CHST9: variants seen among roughly 807,000 people sequenced by gnomAD.
The protein encoded by CHST9 is carbohydrate sulfotransferase 9.
A neutral mutation model predicts 44.4 loss-of-function variants in CHST9; 41 were observed. That is an observed-to-expected ratio of 0.92 (90% CI 0.72 to 1.20). The LOEUF (loss-of-function observed/expected upper bound fraction) is 1.20. Ranked by LOEUF, CHST9 falls within the 50% of genes most tolerant of loss-of-function variation. The pLI is 0.00. For missense variants in CHST9, 504 were observed against 516.5 expected (o/e 0.98, Z 0.23); for synonymous variants, 171 against 178.4 (o/e 0.96, Z 0.33).
At chr18:27,124,172 G>A (rs915697533) in intron 2 of CHST9, among the ~76,000 whole-genome samples, 3 of 152,204 alleles carry the variant, frequency 2.0e-5, no homozygotes, top group Admixed American at 6.5e-5. Flanking sequence ...AAATACACCT[G>A]AGATCTCATT....
At position 27,051,333 on chromosome 18, in the gene CHST9, C is replaced by T. The variant is rs2057564672; in HGVS notation, c.122-2830G>A. ...AGTTGGGAGGCTGAGGCAGGAGGAT[C>T]ACTTAAACCAAGGAGTTTGAGGTTA... On this transcript the variant is annotated intron_variant, in intron 2 of 5. Coordinates refer to ENST00000618847, the MANE Select transcript of CHST9 (RefSeq NM_031422.6). Among the ~76,000 whole-genome samples the T allele has an allele frequency of 2.0e-5, 3 of 152,246 alleles. No individual in the cohort carries two copies. The South Asian group carries it at 6.2e-4, about 32-fold the overall frequency.
intron 1 of CHST9, among the ~76,000 whole-genome samples, chr18:27,161,199 T>C (rs1004812783): frequency 1.3e-5 from 2 of 152,208 alleles, no homozygotes; most frequent in African/African-American, 4.8e-5. Context: ...TTAATTGTGA[T>C]GTTAGGGTGT....
chr18:26,933,858 A>G (rs2055926773), intron 5 of CHST9: 2 of 153,384 alleles, frequency 1.3e-5, no homozygotes, highest in Admixed American at 1.3e-4. Context: ...CAGTAATGCA[A>G]TAGAAGATGT....
chr18:27,063,758 T>G (rs909718469), intron 2 of CHST9, among the ~76,000 whole-genome samples: 1 of 152,192 alleles, frequency 6.6e-6, no homozygotes. Context: ...CTATTTGCTA[T>G]AGATTTTTTT....
intron 4 of CHST9, among the ~76,000 whole-genome samples, chr18:27,003,666 A>C (rs773284911): frequency 6.6e-6 from 1 of 152,148 alleles, no homozygotes; most frequent in Non-Finnish European, 1.5e-5. Flanking sequence ...TGTACTTTAC[A>C]ACACCTGCAC....
intron 3 of CHST9, among the ~76,000 whole-genome samples, chr18:27,032,046 C>T (rs1425703926): frequency 6.6e-6 from 1 of 151,974 alleles, no homozygotes; most frequent in Non-Finnish European, 1.5e-5. Flanking sequence ...ACAGATTTGC[C>T]AAGTGCTGGA....
chr18:27,169,011 T>G (rs1203250939), intron 1 of CHST9, among the ~76,000 whole-genome samples: 4 of 152,120 alleles, frequency 2.6e-5, no homozygotes, highest in Non-Finnish European at 4.4e-5. Flanking sequence ...CTCTAGGAGT[T>G]GAAGTCATCA....
At chr18:27,075,172 GT>G in intron 2 of CHST9, among the ~76,000 whole-genome samples, 1 of 114,004 alleles carries the variant, frequency 8.8e-6, no homozygotes, top group Non-Finnish European at 2.0e-5. Context: ...TGTTTTTTTT[GT>G]TTTTTGTTTT....
intron 4 of CHST9, among the ~76,000 whole-genome samples, chr18:27,007,762 G>T (rs1054165823): frequency 6.6e-6 from 1 of 152,120 alleles, no homozygotes; most frequent in South Asian, 2.1e-4. Flanking sequence ...TCAACCATTC[G>T]CAAGTGCAAA....
chr18:27,053,231 G>T (rs1003869848), intron 2 of CHST9, among the ~76,000 whole-genome samples: 1 of 65,338 alleles, frequency 1.5e-5, no homozygotes, highest in Admixed American at 1.5e-4. Flanking sequence ...AGAAGAAGAA[G>T]AAGAAGAAGA....
At chr18:27,152,702 C>G (rs1196629607) in intron 1 of CHST9, among the ~76,000 whole-genome samples, 1 of 151,908 alleles carries the variant, frequency 6.6e-6, no homozygotes, top group Non-Finnish European at 1.5e-5. Context: ...CATCTGGACT[C>G]AAATTATAAT....
At chr18:27,181,882 T>C (rs1315998414) in intron 1 of CHST9, among the ~76,000 whole-genome samples, 1 of 152,228 alleles carries the variant, frequency 6.6e-6, no homozygotes, top group Non-Finnish European at 1.5e-5. Context: ...TTTGCTCACT[T>C]CTGCCACCCA....
Position 26,917,231 on chromosome 18 carries a change from A to C in CHST9, c.360T>G (p.Ala120=), listed in dbSNP as rs770628100. ...TTGGTGACCCTGTGGACTTACTTAA[A>C]GCTTGATCCCCTCCTTGTGAATGAC... ...KTSHSQGGDQ[A]LSKSTGSPTE... is the part of the protein sequence containing the mutation. Residue 120 remains alanine, a synonymous_variant, in exon 6 of 6, where the codon GCT becomes GCG. Coordinates refer to ENST00000618847, the MANE Select transcript of CHST9 (RefSeq NM_031422.6). 2 of 1,613,892 alleles carry C rather than the reference A, an allele frequency of 1.2e-6. No individual in the cohort carries two copies. Among genetic ancestry groups the C allele is most frequent in the South Asian group, 1.1e-5 (1 of 91,070 alleles).
chr18:27,170,365 C>T (rs1313105276), intron 1 of CHST9, among the ~76,000 whole-genome samples: 18 of 152,132 alleles, frequency 1.2e-4, no homozygotes, highest in Admixed American at 1.2e-3. Flanking sequence ...CTTAATGGAG[C>T]AGAATTTCTC....
Position 26,998,086 on chromosome 18 carries a change from T to A in CHST9, c.202+26030A>T, listed in dbSNP as rs117405985. 3.4e-3 allele frequency among the ~76,000 whole-genome samples: 519 copies of A among 152,294 alleles called. 22 individuals carry two copies. The East Asian group carries it at 0.089, about 26-fold the overall frequency. ...TGTTGCTGAAGGGCCCAACACCAAA[T>A]CCCAGCTGAAGAACAGCTTCTCATC... On this transcript the variant is annotated intron_variant, in intron 4 of 5. Coordinates refer to ENST00000618847, the MANE Select transcript of CHST9 (RefSeq NM_031422.6).
At chr18:27,065,284 T>C (rs893967349) in intron 2 of CHST9, among the ~76,000 whole-genome samples, 2 of 152,240 alleles carry the variant, frequency 1.3e-5, no homozygotes, top group Non-Finnish European at 2.9e-5. Context: ...ACCTCATTTT[T>C]TTAAAATTCT....
intron 2 of CHST9, among the ~76,000 whole-genome samples, chr18:27,094,250 T>A (rs1229179700): frequency 6.6e-6 from 1 of 152,150 alleles, no homozygotes; most frequent in African/African-American, 2.4e-5. Flanking sequence ...ATATTCACAG[T>A]AGGGATGTGG....
Position 26,915,946 on chromosome 18 carries a change from TC to T in CHST9, c.*312del, listed in dbSNP as rs1202288858. 9.2e-6 allele frequency: 2 copies of T among 216,598 alleles called. No homozygotes were observed. Among genetic ancestry groups the T allele is most frequent in the Non-Finnish European group, 1.9e-5 (2 of 107,990 alleles). The allele number at this position is 216,598 out of a possible 1,614,324, so 13.4% of individuals were successfully genotyped here. ...ACTCATGCTATTTGAGATCCTTTTT[TC>T]CTACCATTGCAAGAGGCTGCTTTAG... On this transcript the variant is annotated 3_prime_UTR_variant, in exon 6 of 6. Transcript: ENST00000618847.
chr18:26,942,836 G>A (rs767092399), intron 5 of CHST9, among the ~76,000 whole-genome samples: 12 of 152,314 alleles, frequency 7.9e-5, no homozygotes, highest in Non-Finnish European at 1.5e-4. Context: ...AAGGGCCGGC[G>A]TGGTGGCTCA....
Sources: gnomAD v4.1 joint callset for allele counts (sites outside exome capture counted in the v4.1 genomes callset) on GRCh38, gnomAD v4.1.1 for gene constraint, MANE v1.5 for transcripts, NCBI Gene and HGNC (gene_info 2026-07-23, HGNC 2026-07-21) for gene names.